SCN4B: variants seen among roughly 807,000 people sequenced by gnomAD.
SCN4B encodes sodium channel regulatory subunit beta-4.
In SCN4B, 20 loss-of-function variants were observed where a neutral mutation model predicts 19.6. That is an observed-to-expected ratio of 1.02 (90% CI 0.72 to 1.48). SCN4B has a LOEUF of 1.48. Ranked by LOEUF, SCN4B falls within the 40% of genes most tolerant of loss-of-function variation. The probability of loss-of-function intolerance (pLI) is 0.00; values close to 1 mark genes in which losing one functional copy is unlikely to be tolerated. For missense variants in SCN4B, 271 were observed against 287.5 expected (o/e 0.94, Z 0.42); for synonymous variants, 127 against 122.8 (o/e 1.03, Z -0.22).
Position 118,135,133 on chromosome 11 carries a change from G to C in SCN4B, c.*1894C>G. ...GTTTTCTGAATGGCTGGTGGCTCTGGTCTGTCTGCTCCCAAAGCCAGGAAA... is the reference window on the plus strand; with the variant it reads ...GTTTTCTGAATGGCTGGTGGCTCTGCTCTGTCTGCTCCCAAAGCCAGGAAA... On this transcript the variant is annotated 3_prime_UTR_variant, in exon 5 of 5. Coordinates refer to ENST00000324727, the MANE Select transcript of SCN4B (RefSeq NM_174934.4). 1 of 454,112 alleles carries C rather than the reference G, an allele frequency of 2.2e-6. No homozygotes were observed. Among genetic ancestry groups the C allele is most frequent in the South Asian group, 1.6e-5 (1 of 64,476 alleles). 28.1% of individuals were successfully genotyped at this position (454,112 alleles called of 1,614,324 possible). A position where few individuals can be genotyped will look rare whatever the true frequency, so the allele number is the denominator to read the frequency against.
At position 118,149,722 on chromosome 11, in the gene SCN4B, G is replaced by A. The variant is rs184893459; in HGVS notation, c.61+2891C>T. On this transcript the variant is annotated intron_variant, in intron 1 of 4. Coordinates refer to ENST00000324727, the MANE Select transcript of SCN4B (RefSeq NM_174934.4). The stretch of plus-strand genomic sequence containing the variant: ...GCCAGAGAGCAGGTTGTGTTGGCAC[G>A]GCCCACCCCTGGCTTATGCAGAGAT... 2.7e-3 allele frequency among the ~76,000 whole-genome samples: 411 copies of A among 152,264 alleles called. 4 individuals are homozygous for A. Among genetic ancestry groups the A allele is most frequent in the African/African-American group, 9.3e-3 (386 of 41,548 alleles).
intron 4 of SCN4B, among the ~76,000 whole-genome samples, chr11:118,139,732 C>T (rs1161434359): frequency 1.3e-5 from 2 of 152,204 alleles, no homozygotes; most frequent in Non-Finnish European, 2.9e-5. Flanking sequence ...CTGAGCCTCA[C>T]TTTGCTCAAT....
chr11:118,138,011 A>G lies in SCN4B; in HGVS notation c.594-891T>C, dbSNP rs550805332. Reference sequence around the variant, plus strand: ...GAGCAGAAGACAGGAGGAAGGAGAGATGGTGAGATGGGAAGACACCTCCCG... The same window carrying G: ...GAGCAGAAGACAGGAGGAAGGAGAGGTGGTGAGATGGGAAGACACCTCCCG... On this transcript the variant is annotated intron_variant, in intron 4 of 4. Transcript: ENST00000324727. Among the ~76,000 whole-genome samples, 3 of 152,248 alleles carry G rather than the reference A, an allele frequency of 2.0e-5. No homozygotes were observed. In the South Asian group the frequency reaches 6.2e-4, roughly 32 times the overall value.
chr11:118,137,269 C>T, intron 4 of SCN4B, 149 bp from the exon 5 acceptor site: 2 of 691,160 alleles, frequency 2.9e-6, no homozygotes, highest in East Asian at 2.7e-5. Flanking sequence ...GTCACCTAAC[C>T]TCTCTGTACC....
At position 118,135,033 on chromosome 11, in the gene SCN4B, A is replaced by C. The variant is rs1947975593; in HGVS notation, c.*1994T>G. On this transcript the variant is annotated 3_prime_UTR_variant, in exon 5 of 5. Transcript: ENST00000324727. ...TCTTAAGACAGAAGGAGGAGCCCCA[A>C]GGTGCTCTGCCTCTTCAAATGTCAC... The C allele has an allele frequency of 2.2e-6, 1 of 454,022 alleles. No homozygotes were observed. Among genetic ancestry groups the C allele is most frequent in the African/African-American group, 2.0e-5 (1 of 49,994 alleles). 28.1% of individuals were successfully genotyped at this position (454,022 alleles called of 1,614,324 possible).
At position 118,152,792 on chromosome 11, in the gene SCN4B, T is replaced by G; in HGVS notation, c.-119A>C. The G allele has an allele frequency of 1.5e-6, 1 of 662,414 alleles. No individual in the cohort carries two copies. The highest frequency in any genetic ancestry group is 2.4e-6 in the Non-Finnish European group (1 of 423,606). The allele number at this position is 662,414 out of a possible 1,614,324, so 41.0% of individuals were successfully genotyped here. On this transcript the variant is annotated 5_prime_UTR_variant, in exon 1 of 5. Transcript: ENST00000324727. Reference sequence around the variant, plus strand: ...CTACCCCGGAGCTCTGCGCCGCCGGTCGGGGCTCGGGAAAGTTAGCGGGCA... The same window carrying G: ...CTACCCCGGAGCTCTGCGCCGCCGGGCGGGGCTCGGGAAAGTTAGCGGGCA...
At chr11:118,140,925 A>G (rs1948087374) in intron 4 of SCN4B, among the ~76,000 whole-genome samples, 1 of 152,118 alleles carries the variant, frequency 6.6e-6, no homozygotes, top group African/African-American at 2.4e-5. Flanking sequence ...AAGAGAGGCT[A>G]ATGGGACGGG....
At chr11:118,149,483 G>A (rs1321470679) in intron 1 of SCN4B, among the ~76,000 whole-genome samples, 1 of 152,208 alleles carries the variant, frequency 6.6e-6, no homozygotes, top group African/African-American at 2.4e-5. Context: ...CAGGCCCTGG[G>A]GGCTTTGGGA....
intron 3 of SCN4B, among the ~76,000 whole-genome samples, chr11:118,142,601 T>G (rs185653684): frequency 2.0e-5 from 3 of 152,358 alleles, no homozygotes; most frequent in Admixed American, 1.3e-4. Context: ...GGCAGGAATT[T>G]GTCTATCTTG....
chr11:118,136,736 C>A lies in SCN4B; in HGVS notation c.*291G>T, dbSNP rs1429788294. On this transcript the variant is annotated 3_prime_UTR_variant, in exon 5 of 5. Coordinates refer to ENST00000324727, the MANE Select transcript of SCN4B (RefSeq NM_174934.4). Reference sequence around the variant, plus strand: ...AGGGTAGGGAGACTGAAGGAGACCCCATCTGCCCAGGTGTCAGGGGACCAG... The same window carrying A: ...AGGGTAGGGAGACTGAAGGAGACCCAATCTGCCCAGGTGTCAGGGGACCAG... 1.8e-6 allele frequency: 1 copy of A among 553,580 alleles called. No individual in the cohort carries two copies. The highest frequency in any genetic ancestry group is 4.3e-5 in the East Asian group (1 of 23,390). 34.3% of individuals were successfully genotyped at this position (553,580 alleles called of 1,614,324 possible).
intron 1 of SCN4B, chr11:118,145,699 G>A: frequency 3.2e-6 from 1 of 313,568 alleles, no homozygotes; most frequent in Non-Finnish European, 6.3e-6. Context: ...CGGTCGAGGA[G>A]GGGGAAGAGC....
chr11:118,135,491 G>T lies in SCN4B; in HGVS notation c.*1536C>A, dbSNP rs933564883. 2 of 454,086 alleles carry T rather than the reference G, an allele frequency of 4.4e-6. No homozygotes were observed. The highest frequency in any genetic ancestry group is 4.7e-5 in the Admixed American group (2 of 42,574). The allele number at this position is 454,086 out of a possible 1,614,324, so 28.1% of individuals were successfully genotyped here. Reference sequence around the variant, plus strand: ...TGGAAGTAGATGGGCAGAGAGGCTTGTTACCACTTTTCCCTGCCATCCCTG... The same window carrying T: ...TGGAAGTAGATGGGCAGAGAGGCTTTTTACCACTTTTCCCTGCCATCCCTG... On this transcript the variant is annotated 3_prime_UTR_variant, in exon 5 of 5. Transcript: ENST00000324727.
intron 4 of SCN4B, among the ~76,000 whole-genome samples, chr11:118,140,254 C>T (rs552626936): frequency 3.3e-5 from 5 of 152,238 alleles, no homozygotes; most frequent in Non-Finnish European, 7.3e-5. Context: ...AACCCTTGAG[C>T]TCTTCATCGA....
In SCN4B at chr11:118,133,911, C is replaced by T. The variant is rs564684785; in HGVS notation, c.*3116G>A. 28 of 454,464 alleles carry T rather than the reference C, an allele frequency of 6.2e-5. No individual in the cohort carries two copies. Among genetic ancestry groups the T allele is most frequent in the Admixed American group, 9.4e-5 (4 of 42,576 alleles). 28.2% of individuals were successfully genotyped at this position (454,464 alleles called of 1,614,324 possible). A position where few individuals can be genotyped will look rare whatever the true frequency, so the allele number is the denominator to read the frequency against. On this transcript the variant is annotated 3_prime_UTR_variant, in exon 5 of 5. Transcript: ENST00000324727. ...CAGGCATAGCTCAGGCCAAGAAAGACGGCTCCTCAAATGTCCAGCATCTGC... is the reference window on the plus strand; with the variant it reads ...CAGGCATAGCTCAGGCCAAGAAAGATGGCTCCTCAAATGTCCAGCATCTGC...
Position 118,133,823 on chromosome 11 carries a change from G to A in SCN4B, c.*3204C>T, listed in dbSNP as rs1455542485. The A allele has an allele frequency of 6.6e-6, 3 of 454,538 alleles. No homozygotes were observed. The highest frequency in any genetic ancestry group is 1.3e-5 in the Non-Finnish European group (3 of 226,800). The allele number at this position is 454,538 out of a possible 1,614,324, so 28.2% of individuals were successfully genotyped here. A position where few individuals can be genotyped will look rare whatever the true frequency, so the allele number is the denominator to read the frequency against. On this transcript the variant is annotated 3_prime_UTR_variant, in exon 5 of 5. Transcript: ENST00000324727. Reference sequence around the variant, plus strand: ...ACTGAGATGAAGTCATGGAGTGACGGAATGCAGGAGCACGGCTGGTCTTCT... The same window carrying A: ...ACTGAGATGAAGTCATGGAGTGACGAAATGCAGGAGCACGGCTGGTCTTCT...
In SCN4B at chr11:118,134,139, G is replaced by A. The variant is rs1947957969; in HGVS notation, c.*2888C>T. On this transcript the variant is annotated 3_prime_UTR_variant, in exon 5 of 5. Transcript: ENST00000324727. The stretch of plus-strand genomic sequence containing the variant: ...TGAGCCCCATCGGCTGCTCTCCCCA[G>A]GCCTCTCTAACATCAGGGGTTTATT... The A allele has an allele frequency of 2.2e-6, 1 of 454,284 alleles. No homozygotes were observed. The highest frequency in any genetic ancestry group is 4.4e-6 in the Non-Finnish European group (1 of 226,788). The allele number at this position is 454,284 out of a possible 1,614,324, so 28.1% of individuals were successfully genotyped here.
intron 1 of SCN4B, among the ~76,000 whole-genome samples, chr11:118,152,266 C>T (rs1948240629): frequency 6.6e-6 from 1 of 152,198 alleles, no homozygotes. Context: ...ATCCCCTGCA[C>T]TCAAGGCACG....
chr11:118,135,194 G>A lies in SCN4B; in HGVS notation c.*1833C>T, dbSNP rs942214759. On this transcript the variant is annotated 3_prime_UTR_variant, in exon 5 of 5. Transcript: ENST00000324727. ...CAGCCCATGACAGGTTCTGGGTAGA[G>A]AAGAATGGGAGGCGCACAGGCAGAT... The A allele has an allele frequency of 2.0e-5, 9 of 453,954 alleles. No individual in the cohort carries two copies. Among genetic ancestry groups the A allele is most frequent in the Admixed American group, 1.9e-4 (8 of 42,548 alleles). The allele number at this position is 453,954 out of a possible 1,614,324, so 28.1% of individuals were successfully genotyped here.
At chr11:118,137,717 A>G (rs751044798) in intron 4 of SCN4B, among the ~76,000 whole-genome samples, 1 of 152,158 alleles carries the variant, frequency 6.6e-6, no homozygotes, top group Non-Finnish European at 1.5e-5. Context: ...GCTGTCACCT[A>G]GTTGTCTCAA....
Sources: gnomAD v4.1 joint callset for allele counts (sites outside exome capture counted in the v4.1 genomes callset) on GRCh38, gnomAD v4.1.1 for gene constraint, MANE v1.5 for transcripts, NCBI Gene and HGNC (gene_info 2026-07-23, HGNC 2026-07-21) for gene names.